FRMD4A: variants seen among roughly 807,000 people sequenced by gnomAD.
FRMD4A encodes FERM domain containing 4A, also known as FERM domain-containing protein 4A.
A neutral mutation model predicts 129.1 loss-of-function variants in FRMD4A; 29 were observed. The ratio of observed to expected loss-of-function variants is 0.22; its 90% CI spans 0.17 to 0.31. The LOEUF (loss-of-function observed/expected upper bound fraction) is 0.31. FRMD4A is among the 10% of genes least tolerant of loss of function. The pLI is 1.00. For missense variants in FRMD4A, 1,272 were observed against 1,375.8 expected (o/e 0.92, Z 1.19); for synonymous variants, 634 against 571.6 (o/e 1.11, Z -1.56).
intron 3 of FRMD4A, among the ~76,000 whole-genome samples, chr10:13,824,129 T>G (rs1019950476): frequency 6.6e-6 from 1 of 151,982 alleles, no homozygotes; most frequent in Non-Finnish European, 1.5e-5. Context: ...ACCCTGCATA[T>G]CCACAGGTTC....
Position 14,209,066 on chromosome 10 carries a change from T to A in FRMD4A, c.45+120992A>T, listed in dbSNP as rs567791868. The stretch of plus-strand genomic sequence containing the variant: ...GTTCCATTTCCAAGGCCACAGTAAA[T>A]GCAGGGTTGAAGGATTCCTCCCGGA... On this transcript the variant is annotated intron_variant, in intron 2 of 24. Transcript: ENST00000357447. Among the ~76,000 whole-genome samples the A allele has an allele frequency of 4.6e-5, 7 of 152,190 alleles. No individual in the cohort carries two copies. In the East Asian group the frequency reaches 1.4e-3, roughly 30 times the overall value.
chr10:14,043,463 T>A (rs984462009), intron 2 of FRMD4A, among the ~76,000 whole-genome samples: 6 of 152,208 alleles, frequency 3.9e-5, no homozygotes, highest in Admixed American at 1.3e-4. Context: ...ATTTCTTGAA[T>A]TCTCCCATTT....
chr10:13,918,921 A>T (rs1249353098), intron 2 of FRMD4A, among the ~76,000 whole-genome samples: 1 of 151,884 alleles, frequency 6.6e-6, no homozygotes, highest in Non-Finnish European at 1.5e-5. Context: ...ATGCCCCCCT[A>T]ATTTCCTATT....
intron 2 of FRMD4A, among the ~76,000 whole-genome samples, chr10:14,072,886 C>T (rs1159602512): frequency 1.3e-5 from 2 of 152,180 alleles, no homozygotes; most frequent in Non-Finnish European, 2.9e-5. Flanking sequence ...CCCAGACCTG[C>T]ACTTCCCAGA....
At chr10:14,241,334 A>G (rs1218427615) in intron 2 of FRMD4A, among the ~76,000 whole-genome samples, 1 of 152,150 alleles carries the variant, frequency 6.6e-6, no homozygotes, top group African/African-American at 2.4e-5. Context: ...TTTAAACTCA[A>G]TAGTAACTCA....
At chr10:14,131,097 C>T (rs1839224740) in intron 2 of FRMD4A, among the ~76,000 whole-genome samples, 1 of 152,212 alleles carries the variant, frequency 6.6e-6, no homozygotes, top group Non-Finnish European at 1.5e-5. Flanking sequence ...ATAATTGGCC[C>T]TGTTACACCG....
chr10:13,899,542 C>A (rs1830931588), intron 2 of FRMD4A, among the ~76,000 whole-genome samples: 1 of 152,160 alleles, frequency 6.6e-6, no homozygotes, highest in Non-Finnish European at 1.5e-5. Context: ...ACCTGTAATT[C>A]CAGCACTTTT....
intron 2 of FRMD4A, among the ~76,000 whole-genome samples, chr10:13,978,292 C>T (rs2095549017): frequency 6.6e-6 from 1 of 152,082 alleles, no homozygotes; most frequent in Non-Finnish European, 1.5e-5. Flanking sequence ...GGTGTGCTGT[C>T]CCCCATGCTT....
intron 2 of FRMD4A, among the ~76,000 whole-genome samples, chr10:14,220,238 G>A (rs530359099): frequency 1.3e-5 from 2 of 152,314 alleles, no homozygotes; most frequent in African/African-American, 2.4e-5. Context: ...TCAGTGGTCA[G>A]TGTGAGTCAC....
intron 2 of FRMD4A, among the ~76,000 whole-genome samples, chr10:14,113,686 T>C (rs755755911): frequency 1.1e-4 from 16 of 152,180 alleles, no homozygotes; most frequent in Admixed American, 9.2e-4. Context: ...GCTTATTTCT[T>C]CAAGTTATCC....
intron 22 of FRMD4A, among the ~76,000 whole-genome samples, chr10:13,656,350 T>C (rs1196654251): frequency 6.6e-6 from 1 of 152,208 alleles, no homozygotes; most frequent in Admixed American, 6.5e-5. Context: ...CTAACTTTCT[T>C]AGATTTCTGT....
rs566331917 is a variant in FRMD4A at position 14,322,211 on chromosome 10, G to A, written c.45+7847C>T. 2.1e-3 allele frequency among the ~76,000 whole-genome samples: 320 copies of A among 152,248 alleles called. 2 individuals carry two copies. Among genetic ancestry groups the A allele is most frequent in the Non-Finnish European group, 3.9e-3 (268 of 68,022 alleles). ...GGCAGGGGACGTGAGTACATAGGAG[G>A]GGCCAGATTCAAGAGAAACTGAGGC... is the stretch of plus-strand genomic sequence containing the variant. On this transcript the variant is annotated intron_variant, in intron 2 of 24. Coordinates refer to ENST00000357447, the MANE Select transcript of FRMD4A (RefSeq NM_018027.5).
chr10:14,003,300 A>C (rs555254646), intron 2 of FRMD4A, among the ~76,000 whole-genome samples: 33 of 152,232 alleles, frequency 2.2e-4, no homozygotes, highest in Admixed American at 1.0e-3. Context: ...GCCAGGGTCT[A>C]GTTTGGGTTT....
chr10:13,888,508 A>T (rs1268648445), intron 2 of FRMD4A, among the ~76,000 whole-genome samples: 1 of 152,162 alleles, frequency 6.6e-6, no homozygotes, highest in African/African-American at 2.4e-5. Flanking sequence ...CATGGGCCTG[A>T]GTTACTTGCT....
chr10:13,948,231 G>C (rs1463534997), intron 2 of FRMD4A, among the ~76,000 whole-genome samples: 1 of 152,040 alleles, frequency 6.6e-6, no homozygotes, highest in African/African-American at 2.4e-5. Context: ...CTGTTGCCCA[G>C]GCTGGAGTGC....
At chr10:14,011,148 A>C (rs1315188954) in intron 2 of FRMD4A, among the ~76,000 whole-genome samples, 1 of 152,248 alleles carries the variant, frequency 6.6e-6, no homozygotes, top group Non-Finnish European at 1.5e-5. Context: ...GGACTTTATC[A>C]GATTACAGCA....
intron 3 of FRMD4A, among the ~76,000 whole-genome samples, chr10:13,843,787 C>T (rs975130545): frequency 6.6e-6 from 1 of 152,222 alleles, no homozygotes; most frequent in African/African-American, 2.4e-5. Flanking sequence ...GCGTGAGCCA[C>T]TGCACCCAGC....
intron 2 of FRMD4A, among the ~76,000 whole-genome samples, chr10:14,245,438 G>C (rs1391023026): frequency 6.6e-6 from 1 of 152,204 alleles, no homozygotes. Flanking sequence ...GGAATGTCTA[G>C]AGTATTTGCA....
chr10:13,976,208 TG>T (rs2095541634), intron 2 of FRMD4A, among the ~76,000 whole-genome samples: 4 of 152,118 alleles, frequency 2.6e-5, no homozygotes, highest in Admixed American at 2.6e-4. Flanking sequence ...GTTTGTCTAT[TG>T]TAAGTCCTGG....
Sources: gnomAD v4.1 joint callset for allele counts (sites outside exome capture counted in the v4.1 genomes callset) on GRCh38, gnomAD v4.1.1 for gene constraint, MANE v1.5 for transcripts, NCBI Gene and HGNC (gene_info 2026-07-23, HGNC 2026-07-21) for gene names.